The following DEPTOR variants were observed in gnomAD, a reference collection of about 807,000 sequenced individuals.
The protein encoded by DEPTOR is DEP domain-containing mTOR-interacting protein.
DEPTOR carries 41 observed loss-of-function variants against 41.6 expected under a neutral mutation model. That is an observed-to-expected ratio of 0.98 (90% CI 0.77 to 1.28). The LOEUF is 1.28. Among genes scored for constraint, DEPTOR ranks in the 50% most tolerant of loss-of-function variants. The pLI, the probability that DEPTOR is intolerant of heterozygous loss-of-function variation, is 0.00. For missense variants in DEPTOR, 514 were observed against 527.9 expected (o/e 0.97, Z 0.26); for synonymous variants, 195 against 192.3 (o/e 1.01, Z -0.12).
intron 4 of DEPTOR, among the ~76,000 whole-genome samples, chr8:119,967,528 G>A (rs1828578289): frequency 1.3e-5 from 2 of 151,480 alleles, no homozygotes; most frequent in African/African-American, 4.8e-5. Flanking sequence ...TGAGGCTGGT[G>A]GATCACCTGA....
intron 3 of DEPTOR, among the ~76,000 whole-genome samples, chr8:119,947,454 G>A (rs1247436414): frequency 2.0e-5 from 3 of 152,178 alleles, no homozygotes; most frequent in Non-Finnish European, 2.9e-5. Context: ...CACACCAGTG[G>A]CTCCTGCTTG....
chr8:119,987,933 G>A (rs1271348730), intron 4 of DEPTOR, among the ~76,000 whole-genome samples: 1 of 152,178 alleles, frequency 6.6e-6, no homozygotes, highest in Non-Finnish European at 1.5e-5. Context: ...TTTAAAGCCA[G>A]TAGATCTTAG....
At chr8:119,922,563 T>C (rs1178215801) in intron 1 of DEPTOR, among the ~76,000 whole-genome samples, 4 of 152,220 alleles carry the variant, frequency 2.6e-5, no homozygotes, top group Non-Finnish European at 5.9e-5. Context: ...CTTGTTTTTT[T>C]AAGCTGGTGC....
intron 4 of DEPTOR, among the ~76,000 whole-genome samples, chr8:119,983,121 G>A (rs949152485): frequency 2.2e-4 from 33 of 152,206 alleles, no homozygotes; most frequent in African/African-American, 8.0e-4. Flanking sequence ...AAGCAGATGG[G>A]TATACCGATG....
chr8:120,030,466 G>A (rs1046784997), intron 8 of DEPTOR, among the ~76,000 whole-genome samples: 2 of 138,132 alleles, frequency 1.4e-5, no homozygotes, highest in African/African-American at 2.7e-5. Context: ...ATAGACTCTG[G>A]GTGATAATGA....
At chr8:119,947,962 A>G (rs1828304109) in intron 3 of DEPTOR, among the ~76,000 whole-genome samples, 1 of 151,866 alleles carries the variant, frequency 6.6e-6, no homozygotes, top group Non-Finnish European at 1.5e-5. Flanking sequence ...CTGACCTCTC[A>G]TTTGCACCAT....
chr8:119,990,561 C>T (rs1812142035), intron 4 of DEPTOR, among the ~76,000 whole-genome samples: 1 of 152,236 alleles, frequency 6.6e-6, no homozygotes. Context: ...GAAGCTGCAG[C>T]ACTCAGACAA....
chr8:120,025,503 G>A (rs921677689), intron 8 of DEPTOR, among the ~76,000 whole-genome samples: 5 of 152,140 alleles, frequency 3.3e-5, no homozygotes, highest in Non-Finnish European at 7.3e-5. Flanking sequence ...CAGATTACTG[G>A]AACAGGAATT....
intron 3 of DEPTOR, among the ~76,000 whole-genome samples, chr8:119,953,804 T>C (rs1276459259): frequency 1.9e-5 from 2 of 107,154 alleles, no homozygotes; most frequent in East Asian, 2.1e-4. Flanking sequence ...ATAGCTTCTT[T>C]TTTTTTTTTT....
Position 119,928,439 on chromosome 8 carries a change from T to C in DEPTOR, c.162T>C (p.Arg54=). The C allele has an allele frequency of 1.2e-6, 2 of 1,614,076 alleles. No individual in the cohort carries two copies. Among genetic ancestry groups the C allele is most frequent in the South Asian group, 2.2e-5 (2 of 91,060 alleles). The change falls in exon 2 of 9, where the codon CGT becomes CGC. Residue 54 remains arginine (R), a synonymous_variant. Coordinates refer to ENST00000286234, the MANE Select transcript of DEPTOR (RefSeq NM_022783.4). ...AAGAAAAGGTTATTAAAGATAGACGTCATCATCTCAAGACCTACCCAAACT... is the reference window on the plus strand; with the variant it reads ...AAGAAAAGGTTATTAAAGATAGACGCCATCATCTCAAGACCTACCCAAACT... ...LHEEKVIKDR[R]HHLKTYPNCF...
At chr8:120,030,497 G>GTTTGTT (rs1207108457) in intron 8 of DEPTOR, among the ~76,000 whole-genome samples, 23 of 46,214 alleles carry the variant, frequency 5.0e-4, no homozygotes, top group Non-Finnish European at 4.5e-4. Flanking sequence ...AGGTTCATCA[G>GTTTGTT]TTTTTTTTTT....
chr8:120,033,000 AGAAGTGAGGATGG>A (rs754783607), intron 8 of DEPTOR, among the ~76,000 whole-genome samples: 12 of 151,878 alleles, frequency 7.9e-5, no homozygotes, highest in Non-Finnish European at 1.8e-4. Context: ...CCAGTAAAAG[AGAAGTGAGGATGG>A]GCTGATAAGG....
At chr8:119,954,271 G>A (rs1008491809) in intron 3 of DEPTOR, among the ~76,000 whole-genome samples, 3 of 151,458 alleles carry the variant, frequency 2.0e-5, no homozygotes, top group Non-Finnish European at 2.9e-5. Context: ...AGCCTCCTGA[G>A]CAGCTAAGAC....
At chr8:119,990,158 GTTTA>G (rs1586647270) in intron 4 of DEPTOR, among the ~76,000 whole-genome samples, 1 of 151,900 alleles carries the variant, frequency 6.6e-6, no homozygotes, top group East Asian at 1.9e-4. Flanking sequence ...ATTTTTATTT[GTTTA>G]TTTAGTTTTT....
chr8:119,943,723 A>C (rs1027215136), intron 3 of DEPTOR, among the ~76,000 whole-genome samples: 3 of 151,770 alleles, frequency 2.0e-5, no homozygotes, highest in African/African-American at 4.8e-5. Context: ...GTTAATGACC[A>C]CCCCACCCCG....
intron 3 of DEPTOR, among the ~76,000 whole-genome samples, chr8:119,960,507 T>C (rs1056449936): frequency 6.6e-6 from 1 of 152,154 alleles, no homozygotes; most frequent in East Asian, 1.9e-4. Context: ...AGAAGGGACC[T>C]TAAAGGAATC....
intron 4 of DEPTOR, among the ~76,000 whole-genome samples, chr8:119,970,639 G>C (rs1828619619): frequency 6.6e-6 from 1 of 152,178 alleles, no homozygotes; most frequent in Non-Finnish European, 1.5e-5. Context: ...ACCTTTGAGA[G>C]TTTGTTTTTT....
intron 3 of DEPTOR, among the ~76,000 whole-genome samples, chr8:119,939,984 G>A (rs749541435): frequency 6.6e-6 from 1 of 151,208 alleles, no homozygotes; most frequent in African/African-American, 2.4e-5. Flanking sequence ...TTGGGAGGCC[G>A]AGGCAGGCAG....
At chr8:119,991,128 A>G (rs1812167782) in intron 4 of DEPTOR, among the ~76,000 whole-genome samples, 1 of 91,334 alleles carries the variant, frequency 1.1e-5, no homozygotes, top group African/African-American at 4.2e-5. Flanking sequence ...TTTTTTTTTA[A>G]ATCTTTTATT....
Sources: allele counts gnomAD v4.1 joint callset (sites outside exome capture counted in the v4.1 genomes callset), GRCh38; gene constraint gnomAD v4.1.1; transcripts MANE v1.5; gene names NCBI Gene and HGNC (gene_info 2026-07-23, HGNC 2026-07-21).